Variants in TAMM41 observed in about 807,000 individuals in gnomAD.
TAMM41 encodes the protein phosphatidate cytidylyltransferase, mitochondrial.
Under a neutral mutation model 44.1 loss-of-function variants are expected in TAMM41, and 36 were observed. That is an observed-to-expected ratio of 0.82 (90% confidence interval 0.63 to 1.08). The LOEUF is 1.08. Ranked by LOEUF, TAMM41 falls within the 50% of genes least tolerant of loss-of-function variation. The probability of loss-of-function intolerance (pLI) is 0.00; values close to 1 mark genes in which losing one functional copy is unlikely to be tolerated. For missense variants in TAMM41, 417 were observed against 404.3 expected, an observed-to-expected ratio of 1.03 and a Z score of -0.27; for synonymous variants, 164 against 153.1, an observed-to-expected ratio of 1.07 and a Z score of -0.53.
At chr3:11,745,192 G>A in the TAMM41 span, among the ~76,000 whole-genome samples, 1 of 152,148 alleles carries the variant, frequency 6.6e-6, no homozygotes, top group Non-Finnish European at 1.5e-5. Context: ...TTAGCCAGGT[G>A]TGGTGGTGCA....
chr3:11,776,758 G>C, the TAMM41 span, among the ~76,000 whole-genome samples: 1 of 152,194 alleles, frequency 6.6e-6, no homozygotes, highest in Non-Finnish European at 1.5e-5. Flanking sequence ...TCGACTTTAC[G>C]ATGAATTGAT....
intron 7 of TAMM41, among the ~76,000 whole-genome samples, chr3:11,797,278 G>A (rs1468087722): frequency 6.6e-6 from 1 of 152,154 alleles, no homozygotes; most frequent in Non-Finnish European, 1.5e-5. Context: ...AAAACAGCAT[G>A]GTGCTGGTAC....
chr3:11,804,900 T>C (rs1474810592), intron 7 of TAMM41, among the ~76,000 whole-genome samples: 1 of 151,486 alleles, frequency 6.6e-6, no homozygotes, highest in African/African-American at 2.4e-5. Flanking sequence ...GGTCTCACTC[T>C]GTCACCCAGA....
chr3:11,806,292 T>C (rs2077907306), intron 7 of TAMM41, among the ~76,000 whole-genome samples: 2 of 152,190 alleles, frequency 1.3e-5, no homozygotes, highest in South Asian at 2.1e-4. Context: ...GAAAAGTCTA[T>C]CACTTGATGA....
chr3:11,767,626 A>ATTTTTTTTTTTT, the TAMM41 span, among the ~76,000 whole-genome samples: 250 of 60,678 alleles, frequency 4.1e-3, 67 homozygotes, highest in African/African-American at 0.018. Flanking sequence ...CACGTTGTGC[A>ATTTTTTTTTTTT]TTTTTTTTTT....
rs1407171950 is a variant in TAMM41 at position 11,790,547 on chromosome 3, T to A, written c.972A>T (p.Lys324Asn). 1 of 1,614,136 alleles carries A rather than the reference T, an allele frequency of 6.2e-7. No individual in the cohort carries two copies. The highest frequency in any genetic ancestry group is 8.5e-7 in the Non-Finnish European group (1 of 1,180,004). The change falls in exon 8 of 8, where the codon AAA becomes AAT. Residue 324 changes from lysine (K) to asparagine (N), a missense_variant. By Grantham distance (94) the Lys-to-Asn change is moderately conservative. Coordinates refer to ENST00000455809, the MANE Select transcript of TAMM41 (RefSeq NM_001284401.2). The part of the protein sequence containing the change: ...LKKSVIYSSL[K>N]LHKMWKGWLR... ...GCCACCCTTTCCACATTTTGTGCAGTTTTAGTGAACTATAAATCACTGACT... is the reference window on the plus strand; with the variant it reads ...GCCACCCTTTCCACATTTTGTGCAGATTTAGTGAACTATAAATCACTGACT...
chr3:11,761,265 T>A, the TAMM41 span, among the ~76,000 whole-genome samples: 1,456 of 152,304 alleles, frequency 9.6e-3, 21 homozygotes, highest in African/African-American at 0.033. Flanking sequence ...TGGTTCTGTA[T>A]CTTATTATCA....
intron 3 of TAMM41, among the ~76,000 whole-genome samples, chr3:11,835,139 A>G (rs1334458502): frequency 6.6e-6 from 1 of 152,162 alleles, no homozygotes; most frequent in African/African-American, 2.4e-5. Context: ...TATTCTCATA[A>G]TTCTTTCTTA....
the TAMM41 span, among the ~76,000 whole-genome samples, chr3:11,756,347 T>TG: frequency 6.6e-6 from 1 of 152,210 alleles, no homozygotes; most frequent in Admixed American, 6.5e-5. Flanking sequence ...ACTGATGTGC[T>TG]GGCCATGCAG....
chr3:11,832,339 G>A (rs1052837883), intron 3 of TAMM41, among the ~76,000 whole-genome samples: 1 of 151,708 alleles, frequency 6.6e-6, no homozygotes, highest in Non-Finnish European at 1.5e-5. Flanking sequence ...GCTGCCACAT[G>A]CCAATTACTA....
chr3:11,808,839 G>A lies in TAMM41; in HGVS notation c.874+678C>T, dbSNP rs149887565. 931 of 156,366 alleles carry A rather than the reference G, an allele frequency of 6.0e-3. 7 individuals are homozygous for A. The highest frequency in any genetic ancestry group is 0.021 in the African/African-American group (885 of 41,618). 9.7% of individuals were successfully genotyped at this position (156,366 alleles called of 1,614,324 possible). A position where few individuals can be genotyped will look rare whatever the true frequency, so the allele number is the denominator to read the frequency against. ...CTGCTCAAGCGATCCTCCCACCTCA[G>A]ACTCCCAAGTTAGCTGAGATTATAG... On this transcript the variant is annotated intron_variant, in intron 6 of 7. Transcript: ENST00000455809.
the TAMM41 span, among the ~76,000 whole-genome samples, chr3:11,741,216 CAAAAAAA>C: frequency 4.4e-4 from 27 of 61,820 alleles, no homozygotes; most frequent in Admixed American, 1.3e-3. Flanking sequence ...GACACCGTCT[CAAAAAAA>C]AAAAAAAAAA....
At chr3:11,825,294 G>A (rs1316904981) in intron 4 of TAMM41, among the ~76,000 whole-genome samples, 1 of 152,196 alleles carries the variant, frequency 6.6e-6, no homozygotes, top group Non-Finnish European at 1.5e-5. Flanking sequence ...TATTGTTCAT[G>A]CTTTCTATCC....
chr3:11,818,852 C>T (rs950932854), intron 4 of TAMM41, among the ~76,000 whole-genome samples: 1 of 149,028 alleles, frequency 6.7e-6, no homozygotes, highest in East Asian at 2.0e-4. Flanking sequence ...GAGCCGAGAT[C>T]GCGCCACTGC....
intron 4 of TAMM41, among the ~76,000 whole-genome samples, chr3:11,822,801 T>C (rs1029952713): frequency 6.6e-6 from 1 of 152,246 alleles, no homozygotes; most frequent in Non-Finnish European, 1.5e-5. Flanking sequence ...TGAACATTTG[T>C]GCTGTTTCCA....
the TAMM41 span, among the ~76,000 whole-genome samples, chr3:11,755,688 T>C: frequency 6.6e-6 from 1 of 152,160 alleles, no homozygotes; most frequent in Non-Finnish European, 1.5e-5. Context: ...TGCCTGGCAA[T>C]GTATCCCTCC....
intron 3 of TAMM41, among the ~76,000 whole-genome samples, chr3:11,832,321 T>C (rs905845116): frequency 1.3e-5 from 2 of 150,934 alleles, no homozygotes; most frequent in Non-Finnish European, 2.9e-5. Context: ...AAAGCAAATG[T>C]TGAATTTGCT....
the TAMM41 span, among the ~76,000 whole-genome samples, chr3:11,745,393 A>G: frequency 6.6e-6 from 1 of 152,242 alleles, no homozygotes; most frequent in South Asian, 2.1e-4. Flanking sequence ...TCATAGAAGC[A>G]TTATTCACAA....
intron 7 of TAMM41, among the ~76,000 whole-genome samples, chr3:11,800,546 T>TC (rs1251731049): frequency 3.9e-5 from 1 of 25,754 alleles, no homozygotes; most frequent in Non-Finnish European, 6.9e-5. Flanking sequence ...TCAAAAACAG[T>TC]TAAAAAAAAA....
Sources: allele counts gnomAD v4.1 joint callset (sites outside exome capture counted in the v4.1 genomes callset), GRCh38; gene constraint gnomAD v4.1.1; transcripts MANE v1.5; gene names NCBI Gene and HGNC (gene_info 2026-07-23, HGNC 2026-07-21).